ODAD1: variants seen among roughly 807,000 people sequenced by gnomAD.
ODAD1 encodes the protein outer dynein arm-docking complex subunit 1.
Under a neutral mutation model 67.2 loss-of-function variants are expected in ODAD1, and 49 were observed. The ratio of observed to expected loss-of-function variants is 0.73; its 90% CI spans 0.58 to 0.92. The LOEUF is 0.92. ODAD1 is among the 40% of genes least tolerant of loss of function. ODAD1 has a pLI of 0.00. For missense variants in ODAD1, 897 were observed against 953.7 expected, an observed-to-expected ratio of 0.94 and a Z score of 0.78; for synonymous variants, 345 against 393.7, an observed-to-expected ratio of 0.88 and a Z score of 1.46.
chr19:48,299,648 C>A (rs10422525), intron 12 of ODAD1, among the ~76,000 whole-genome samples: 2,430 of 150,740 alleles, frequency 0.016, 73 homozygotes, highest in African/African-American at 0.056. Context: ...ACTAAAAATA[C>A]AAAAATTAGC....
At chr19:48,317,433 TACC>T (rs1416190012) in intron 5 of ODAD1, among the ~76,000 whole-genome samples, 4 of 152,048 alleles carry the variant, frequency 2.6e-5, no homozygotes, top group Non-Finnish European at 5.9e-5. Context: ...ACTGTGGCAT[TACC>T]ACCGTCCTTG....
At chr19:48,320,232 C>A in intron 3 of ODAD1, 67 bp downstream of exon 3, 1 of 1,066,232 alleles carries the variant, frequency 9.4e-7, no homozygotes, top group Non-Finnish European at 1.3e-6. Context: ...CCCTACAGGA[C>A]CTGGAACTTG....
rs771668802 is a variant in ODAD1 at position 48,318,349 on chromosome 19, C to T, written c.360+38G>A. On this transcript the variant is annotated intron_variant, in intron 5 of 15. Coordinates refer to ENST00000674294, the MANE Select transcript of ODAD1 (RefSeq NM_001364171.2). ...GCTCAGGGAGGTTACAACACTTGCC[C>T]GTAAGCAGGATCCGTAGAACCACCT... 2.3e-5 allele frequency: 35 copies of T among 1,526,376 alleles called. No individual in the cohort carries two copies. The Middle Eastern group carries it at 5.1e-4, about 22-fold the overall frequency. The allele number at this position is 1,526,376 out of a possible 1,614,324, so 94.6% of individuals were successfully genotyped here.
At chr19:48,312,147 GT>G in intron 5 of ODAD1, 31 bp from the exon 6 acceptor site, 1 of 1,544,254 alleles carries the variant, frequency 6.5e-7, no homozygotes, top group Non-Finnish European at 8.8e-7. Flanking sequence ...CCTGTTTTTG[GT>G]TGCCTGAATG....
intron 12 of ODAD1, among the ~76,000 whole-genome samples, chr19:48,300,493 G>T (rs557264897): frequency 1.3e-5 from 2 of 152,050 alleles, no homozygotes; most frequent in South Asian, 2.1e-4. Flanking sequence ...AATTTCTTAG[G>T]CAGGCCACAA....
Position 48,303,648 on chromosome 19 carries a change from A to C in ODAD1, c.988+2T>G. The C allele has an allele frequency of 6.2e-7, 1 of 1,613,614 alleles. No individual in the cohort carries two copies. The highest frequency in any genetic ancestry group is 8.5e-7 in the Non-Finnish European group (1 of 1,179,820). On this transcript the variant is annotated splice_donor_variant, in intron 10 of 15. Coordinates refer to ENST00000674294, the MANE Select transcript of ODAD1 (RefSeq NM_001364171.2). LOFTEE classifies it high-confidence loss of function. ...CCTCCCTCCACCCAGGGCCCCACTCACTCTCCAGATACTTCTGCACCAACA... is the reference window on the plus strand; with the variant it reads ...CCTCCCTCCACCCAGGGCCCCACTCCCTCTCCAGATACTTCTGCACCAACA...
At chr19:48,308,938 G>C (rs539807072) in intron 7 of ODAD1, among the ~76,000 whole-genome samples, 2 of 151,722 alleles carry the variant, frequency 1.3e-5, no homozygotes, top group African/African-American at 4.8e-5. Flanking sequence ...AGCAGCCGGG[G>C]ACAAGCGAGG....
At chr19:48,308,228 G>A (rs1968668122) in intron 7 of ODAD1, among the ~76,000 whole-genome samples, 1 of 151,628 alleles carries the variant, frequency 6.6e-6, no homozygotes, top group African/African-American at 2.4e-5. Flanking sequence ...AGGCTGGAGT[G>A]CAATGGCACA....
At chr19:48,300,900 G>T (rs1968447145) in intron 12 of ODAD1, 1 of 152,256 alleles carries the variant, frequency 6.6e-6, no homozygotes, top group African/African-American at 2.4e-5. Context: ...GCCGAGGCGG[G>T]CAGATCACGA....
chr19:48,305,672 T>G (rs12973703), intron 8 of ODAD1, among the ~76,000 whole-genome samples: 1 of 151,728 alleles, frequency 6.6e-6, no homozygotes. Flanking sequence ...TCCCAAAGTG[T>G]TGGGATTACA....
Position 48,302,728 on chromosome 19 carries a change from C to T in ODAD1, c.1206G>A (p.Gln402=), listed in dbSNP as rs1377162412. The part of the protein sequence containing the change: ...SEAERLEARF[Q]DVRGQLEKLK... ...GCTTCTCCAGCTGTCCCCGCACATCCTGGAAGCGGGCCTCAAGGCGCTCAG... is the reference window on the plus strand; with the variant it reads ...GCTTCTCCAGCTGTCCCCGCACATCTTGGAAGCGGGCCTCAAGGCGCTCAG... The change falls in exon 12 of 16, where the codon CAG becomes CAA. Residue 402 remains glutamine (Q), a synonymous_variant. Coordinates refer to ENST00000674294, the MANE Select transcript of ODAD1 (RefSeq NM_001364171.2). 10 of 1,612,680 alleles carry T rather than the reference C, an allele frequency of 6.2e-6. No homozygotes were observed. In the East Asian group the frequency reaches 2.2e-4, roughly 36 times the overall value.
chr19:48,297,666 T>C lies in ODAD1; in HGVS notation c.1505A>G (p.Glu502Gly). The change falls in exon 15 of 16, where the codon GAA (glutamate) becomes GGA (glycine). Residue 502 changes from glutamate to glycine, a missense_variant and splice_region_variant. Glu to Gly is a moderately conservative substitution (Grantham distance 98, BLOSUM62 -2). Coordinates refer to ENST00000674294, the MANE Select transcript of ODAD1 (RefSeq NM_001364171.2). Reference protein sequence around the residue: ...MAPLQPPDTLEDPPGFEASDD... With the variant: ...MAPLQPPDTLGDPPGFEASDD... ...GCTGGCCTCAAAACCCGGGGGGTCT[T>C]CTCTGGGGAGGGGAAGGAAAATTGG... 6.6e-7 allele frequency: 1 copy of C among 1,507,512 alleles called. No individual in the cohort carries two copies. Among genetic ancestry groups the C allele is most frequent in the Non-Finnish European group, 8.9e-7 (1 of 1,128,780 alleles). 93.4% of individuals were successfully genotyped at this position (1,507,512 alleles called of 1,614,324 possible).
Position 48,302,896 on chromosome 19 carries a change from G to A in ODAD1, c.1072-34C>T, listed in dbSNP as rs530604105. The A allele has an allele frequency of 1.1e-4, 172 of 1,612,592 alleles. 2 individuals are homozygous for A. The South Asian group carries it at 1.7e-3, about 16-fold the overall frequency. ...ACAGGGCTGAATGCTGGGCCAGATG[G>A]CAGCCTCGGGAGTTGGGGGTGTGGA... On this transcript the variant is annotated intron_variant, in intron 11 of 15. Coordinates refer to ENST00000674294, the MANE Select transcript of ODAD1 (RefSeq NM_001364171.2).
Position 48,307,197 on chromosome 19 carries a change from AAAAG to A in ODAD1, c.598-878_598-875del, listed in dbSNP as rs374738840. Among the ~76,000 whole-genome samples the A allele has an allele frequency of 1.4e-3, 210 of 152,130 alleles. 2 individuals carry two copies. Among genetic ancestry groups the A allele is most frequent in the South Asian group, 5.8e-3 (28 of 4,816 alleles). On this transcript the variant is annotated intron_variant, in intron 7 of 15. Coordinates refer to ENST00000674294, the MANE Select transcript of ODAD1 (RefSeq NM_001364171.2). The stretch of plus-strand genomic sequence containing the variant: ...GAGACTCCATCTCAAAAGAAAAAAA[AAAAG>A]AAAGAAAGAAAGAAAGAAAGATGAA...
At chr19:48,302,903 CG>C (rs1968507614) in intron 11 of ODAD1, 41 bp from the exon 12 acceptor site, 3 of 1,388,090 alleles carry the variant, frequency 2.2e-6, no homozygotes, top group Middle Eastern at 2.0e-4. Flanking sequence ...ATGGCAGCCT[CG>C]GGAGTTGGGG....
At position 48,303,864 on chromosome 19, in the gene ODAD1, G is replaced by A. The variant is rs895525569; in HGVS notation, c.854-80C>T. ...CCTCCTGGGTGAGGGGGAGCGAAGTGTGGTCCCACCTGGGGCACGAAGGTG... is the reference window on the plus strand; with the variant it reads ...CCTCCTGGGTGAGGGGGAGCGAAGTATGGTCCCACCTGGGGCACGAAGGTG... On this transcript the variant is annotated intron_variant, in intron 9 of 15. Transcript: ENST00000674294. The A allele has an allele frequency of 1.3e-5, 20 of 1,575,602 alleles. 1 individual carries two copies. Among genetic ancestry groups the A allele is most frequent in the Non-Finnish European group, 1.7e-5 (20 of 1,158,902 alleles).
chr19:48,308,385 AG>A (rs1968672776), intron 7 of ODAD1, among the ~76,000 whole-genome samples: 1 of 152,296 alleles, frequency 6.6e-6, no homozygotes, highest in African/African-American at 2.4e-5. Context: ...CATGTTAGCC[AG>A]GCTGGTCTCG....
rs748321185 is a variant in ODAD1, at chr19:48,297,320, G to A, written c.1780C>T (p.Leu594Phe). Residue 594 changes from leucine (L) to phenylalanine (F), a missense_variant, in exon 16 of 16, where the codon CTT becomes TTT. Coordinates refer to ENST00000674294, the MANE Select transcript of ODAD1 (RefSeq NM_001364171.2). Reference sequence around the variant, plus strand: ...AGGCCGCCAAAAGTGACGTGGCCAAGAGAGCCACGGTCTCTGCTAGTCTTG... The same window carrying A: ...AGGCCGCCAAAAGTGACGTGGCCAAAAGAGCCACGGTCTCTGCTAGTCTTG... ...SHKTSRDRGSLGHVTFGGLSS... is the reference protein window; with the variant it reads ...SHKTSRDRGSFGHVTFGGLSS... 6.2e-7 allele frequency: 1 copy of A among 1,613,360 alleles called. No homozygotes were observed.
intron 12 of ODAD1, among the ~76,000 whole-genome samples, chr19:48,299,809 A>G (rs919694205): frequency 6.6e-6 from 1 of 151,770 alleles, no homozygotes; most frequent in East Asian, 1.9e-4. Flanking sequence ...AAATTTTAAA[A>G]AATAATAATA....
Sources: gnomAD v4.1 joint callset for allele counts (sites outside exome capture counted in the v4.1 genomes callset) on GRCh38, gnomAD v4.1.1 for gene constraint, MANE v1.5 for transcripts, NCBI Gene and HGNC (gene_info 2026-07-23, HGNC 2026-07-21) for gene names.